The following ATP8A1 variants were observed in gnomAD, a reference collection of about 807,000 sequenced individuals.
ATP8A1 encodes phospholipid-transporting ATPase IA.
A neutral mutation model predicts 177.7 loss-of-function variants in ATP8A1; 90 were observed. The observed-to-expected ratio is 0.51, with a 90% CI of 0.43 to 0.60. The LOEUF (loss-of-function observed/expected upper bound fraction) is 0.60, where lower values mean the gene tolerates loss of function less well. Among genes scored for constraint, ATP8A1 ranks in the 20% least tolerant of loss-of-function variants. ATP8A1 has a pLI of 0.00. For missense variants in ATP8A1, 1,072 were observed against 1,392.8 expected (o/e 0.77, Z 3.67); for synonymous variants, 493 against 485.9 (o/e 1.01, Z -0.19).
intron 1 of ATP8A1, among the ~76,000 whole-genome samples, chr4:42,627,599 T>A (rs1328437933): frequency 6.6e-6 from 1 of 152,214 alleles, no homozygotes; most frequent in East Asian, 1.9e-4. Context: ...CTCACTATCA[T>A]CACCTATTTT....
chr4:42,447,828 A>C lies in ATP8A1; in HGVS notation c.2897-1184T>G, dbSNP rs1321091541. 2.0e-5 allele frequency among the ~76,000 whole-genome samples: 3 copies of C among 152,126 alleles called. No individual in the cohort carries two copies. In the South Asian group the frequency reaches 6.2e-4, roughly 32 times the overall value. On this transcript the variant is annotated intron_variant, in intron 30 of 36. Transcript: ENST00000381668. The stretch of plus-strand genomic sequence containing the variant: ...ATCCCTATGGAACTCTGTTTAGCTA[A>C]AACGAGTGAAGCTATTTAACCTGAG...
At chr4:42,628,255 G>C (rs1183562220) in intron 1 of ATP8A1, among the ~76,000 whole-genome samples, 1 of 152,214 alleles carries the variant, frequency 6.6e-6, no homozygotes, top group Non-Finnish European at 1.5e-5. Flanking sequence ...TAACAACTAT[G>C]TGAAAAGCTG....
intron 23 of ATP8A1, among the ~76,000 whole-genome samples, chr4:42,504,376 G>A (rs750771564): frequency 6.6e-6 from 1 of 152,188 alleles, no homozygotes; most frequent in African/African-American, 2.4e-5. Context: ...CCCCCATCAA[G>A]AAAACCTACT....
At chr4:42,607,047 T>C (rs1735863345) in intron 5 of ATP8A1, among the ~76,000 whole-genome samples, 2 of 152,226 alleles carry the variant, frequency 1.3e-5, no homozygotes, top group African/African-American at 2.4e-5. Context: ...TTTACATCCC[T>C]ACACTGGGTT....
intron 29 of ATP8A1, among the ~76,000 whole-genome samples, chr4:42,452,453 A>G (rs1273078360): frequency 1.3e-5 from 2 of 152,218 alleles, no homozygotes; most frequent in Admixed American, 1.3e-4. Flanking sequence ...TATTCCCCAC[A>G]TATAACTGTA....
At chr4:42,507,798 A>AAAAAAAAAAAAAAAAACAAAAC (rs1724589579) in intron 22 of ATP8A1, among the ~76,000 whole-genome samples, 1 of 124,656 alleles carries the variant, frequency 8.0e-6, no homozygotes, top group Non-Finnish European at 1.8e-5. Context: ...AAAAAAAAAA[A>AAAAAAAAAAAAAAAAACAAAAC]AAAAAAAAAA....
chr4:42,556,095 C>T (rs1179709320), intron 15 of ATP8A1, 55 bp from the exon 16 acceptor site: 1 of 1,280,646 alleles, frequency 7.8e-7, no homozygotes, highest in Non-Finnish European at 1.1e-6. Context: ...GCCCACTGAT[C>T]TATTTGTTAA....
intron 16 of ATP8A1, among the ~76,000 whole-genome samples, chr4:42,555,213 C>CCCCG (rs928169748): frequency 8.1e-6 from 1 of 123,732 alleles, no homozygotes; most frequent in Non-Finnish European, 1.8e-5. Flanking sequence ...TAGTTCTGCC[C>CCCCG]CCCCCTAGAG....
rs1736967352 is a variant in ATP8A1, at chr4:42,616,828, C to T, written c.364-750G>A. On this transcript the variant is annotated intron_variant, in intron 4 of 36. Transcript: ENST00000381668. ...TGGGTAAGAAGAAGAAACAGAAGGT[C>T]AGAGGAAAGGTGAGAATCTGAGTGC... Among the ~76,000 whole-genome samples, 5 of 152,156 alleles carry T rather than the reference C, an allele frequency of 3.3e-5. No homozygotes were observed. The South Asian group carries it at 1.0e-3, about 31-fold the overall frequency.
intron 27 of ATP8A1, among the ~76,000 whole-genome samples, chr4:42,463,718 T>C (rs1420646309): frequency 6.6e-6 from 1 of 152,242 alleles, no homozygotes; most frequent in East Asian, 1.9e-4. Flanking sequence ...AATGATGTTA[T>C]GTTTGACACA....
intron 24 of ATP8A1, among the ~76,000 whole-genome samples, chr4:42,498,799 A>G (rs1708917833): frequency 1.3e-5 from 2 of 152,132 alleles, no homozygotes; most frequent in Admixed American, 1.3e-4. Context: ...GGACATTTTC[A>G]TTATTCTTGT....
intron 2 of ATP8A1, 28 bp downstream of exon 2, chr4:42,626,967 T>C (rs781439844): frequency 6.4e-7 from 1 of 1,552,736 alleles, no homozygotes; most frequent in Admixed American, 1.7e-5. Context: ...TGCTGGCTGG[T>C]CTCATGGCAT....
intron 16 of ATP8A1, among the ~76,000 whole-genome samples, chr4:42,554,806 G>T (rs185638707): frequency 6.6e-6 from 1 of 152,280 alleles, no homozygotes; most frequent in East Asian, 1.9e-4. Flanking sequence ...GCTGCCAAAG[G>T]AGATTAACAT....
intron 15 of ATP8A1, among the ~76,000 whole-genome samples, chr4:42,565,010 C>A (rs190461805): frequency 6.6e-6 from 1 of 152,156 alleles, no homozygotes; most frequent in Non-Finnish European, 1.5e-5. Context: ...AGTTTTCCTG[C>A]ACAAGCTCTC....
At chr4:42,629,239 CT>C (rs1485654490) in intron 1 of ATP8A1, among the ~76,000 whole-genome samples, 4 of 152,142 alleles carry the variant, frequency 2.6e-5, no homozygotes, top group African/African-American at 4.8e-5. Context: ...AATAAGGGAT[CT>C]TTAAAGAGAA....
At chr4:42,630,806 T>C (rs887311076) in intron 1 of ATP8A1, among the ~76,000 whole-genome samples, 1 of 152,300 alleles carries the variant, frequency 6.6e-6, no homozygotes, top group Non-Finnish European at 1.5e-5. Context: ...TGAACAGTAT[T>C]TGGTAAATGG....
chr4:42,491,656 T>G (rs1722755863), intron 24 of ATP8A1, among the ~76,000 whole-genome samples: 1 of 152,162 alleles, frequency 6.6e-6, no homozygotes, highest in Non-Finnish European at 1.5e-5. Flanking sequence ...AAGTTGTCAT[T>G]TTCATTTTGG....
At position 42,564,586 on chromosome 4, in the gene ATP8A1, C is replaced by A. The variant is rs373597980; in HGVS notation, c.1340+4575G>T. 3.6e-4 allele frequency among the ~76,000 whole-genome samples: 55 copies of A among 152,282 alleles called. 1 individual carries two copies. The South Asian group carries it at 7.0e-3, about 20-fold the overall frequency. On this transcript the variant is annotated intron_variant, in intron 15 of 36. Coordinates refer to ENST00000381668, the MANE Select transcript of ATP8A1 (RefSeq NM_006095.2). ...GGGGCCTGTAGCTCCTTTGTTTTGG[C>A]CAATGTCTCTCATTTGGAATGGCTG...
At chr4:42,628,903 G>A (rs1204975479) in intron 1 of ATP8A1, among the ~76,000 whole-genome samples, 2 of 152,286 alleles carry the variant, frequency 1.3e-5, no homozygotes, top group Non-Finnish European at 2.9e-5. Context: ...GGACTTTTGA[G>A]TGTTGTATCT....
Sources: gnomAD v4.1 joint callset for allele counts (sites outside exome capture counted in the v4.1 genomes callset) on GRCh38, gnomAD v4.1.1 for gene constraint, MANE v1.5 for transcripts, NCBI Gene and HGNC (gene_info 2026-07-23, HGNC 2026-07-21) for gene names.